The following CCDC57 variants were observed in gnomAD, a reference collection of about 807,000 sequenced individuals.
The protein encoded by CCDC57 is coiled-coil domain-containing protein 57.
A neutral mutation model predicts 118.9 loss-of-function variants in CCDC57; 118 were observed. The ratio of observed to expected loss-of-function variants is 0.99; its 90% CI spans 0.86 to 1.16. The LOEUF (loss-of-function observed/expected upper bound fraction) is 1.16. CCDC57 is among the 50% of genes most tolerant of loss of function. The pLI is 0.00. For synonymous variants in CCDC57, 527 were observed against 532.9 expected (o/e 0.99, Z 0.15); for missense variants, 1,300 against 1,320.7 (o/e 0.98, Z 0.24).
At chr17:82,126,679 G>A (rs1342822141) in intron 19 of CCDC57, 1 of 985,282 alleles carries the variant, frequency 1.0e-6, no homozygotes, top group Admixed American at 6.1e-5. Context: ...AGGCTGAGGC[G>A]ATGCTGTCCA....
At chr17:82,202,181 A>C (rs959042957) in intron 2 of CCDC57, among the ~76,000 whole-genome samples, 1 of 151,968 alleles carries the variant, frequency 6.6e-6, no homozygotes, top group Non-Finnish European at 1.5e-5. Context: ...AAATACAAAA[A>C]TTAGGCCGGG....
Position 82,207,367 on chromosome 17 carries a change from G to A in CCDC57, c.-9+480C>T, listed in dbSNP as rs150622072. On this transcript the variant is annotated intron_variant, in intron 2 of 19. Transcript: ENST00000665763. ...AAAAAAAAAACAAAAAAGAAATTAT[G>A]GTTTAGGAGTCATGCAGCTACAGGC... Among the ~76,000 whole-genome samples, 423 of 151,948 alleles carry A rather than the reference G, an allele frequency of 2.8e-3. 3 individuals are homozygous for A. Among genetic ancestry groups the A allele is most frequent in the African/African-American group, 9.8e-3 (406 of 41,450 alleles).
chr17:82,118,961 C>G lies in CCDC57; in HGVS notation c.2899+8731G>C, dbSNP rs1487523637. ...GGAATGCCTGGTAGTGTGTGGTCCC[C>G]GTGAGAGGAAGCGGAGATCAGAGTA... On this transcript the variant is annotated intron_variant, in intron 19 of 19. Transcript: ENST00000665763. The surrounding 1 kb of genome is among the most constrained non-coding windows in gnomAD (Gnocchi z 4.7). 6.6e-6 allele frequency among the ~76,000 whole-genome samples: 1 copy of G among 151,352 alleles called. No homozygotes were observed. The highest frequency in any genetic ancestry group is 2.4e-5 in the African/African-American group (1 of 41,074).
intron 19 of CCDC57, chr17:82,106,162 TGAGAG>T (rs2034830927): frequency 6.6e-6 from 1 of 152,392 alleles, no homozygotes; most frequent in African/African-American, 2.4e-5. Context: ...TCCCAGCCCT[TGAGAG>T]GAGTCACCTA....
chr17:82,178,505 C>T (rs1430479273), exon 11 of CCDC57: 14 of 1,613,698 alleles, frequency 8.7e-6, no homozygotes, highest in Non-Finnish European at 1.1e-5. Context: ...CCCATGCATC[C>T]TCAGGGCCTG....
intron 19 of CCDC57, among the ~76,000 whole-genome samples, chr17:82,123,673 T>C (rs1297812163): frequency 7.2e-5 from 11 of 152,088 alleles, no homozygotes; most frequent in Non-Finnish European, 1.5e-4. Flanking sequence ...GTAATTTAAT[T>C]CTCTGACCAG....
chr17:82,114,344 G>A lies in CCDC57; in HGVS notation c.2900-12478C>T, dbSNP rs147746594. On this transcript the variant is annotated intron_variant, in intron 19 of 19. Transcript: ENST00000665763. ...AGCATGGGGACTTCTGGCTGGGTGA[G>A]GGGGGAGGGACGGGGGCGTGAGGAT... Among the ~76,000 whole-genome samples the A allele has an allele frequency of 5.7e-3, 863 of 152,316 alleles. 33 individuals carry two copies. Among genetic ancestry groups the A allele is most frequent in the Admixed American group, 0.051 (786 of 15,298 alleles).
At chr17:82,145,797 AC>A (rs2040652129) in intron 16 of CCDC57, 3 of 466,320 alleles carry the variant, frequency 6.4e-6, no homozygotes, top group Non-Finnish European at 1.3e-5. Flanking sequence ...CTCGGCCGGA[AC>A]CCTGTAGCAG....
exon 20 of CCDC57, chr17:82,101,597 A>ACC: frequency 8.4e-7 from 1 of 1,186,074 alleles, no homozygotes; most frequent in Non-Finnish European, 1.2e-6. Flanking sequence ...CTGTGCCCAC[A>ACC]CCCCCCCACA....
chr17:82,144,056 A>AAAAACAAAAC (rs112574589), intron 16 of CCDC57, among the ~76,000 whole-genome samples: 87 of 150,606 alleles, frequency 5.8e-4, no homozygotes, highest in African/African-American at 1.9e-3. Context: ...ATTCCATCTC[A>AAAAACAAAAC]AAAACAAAAC....
intron 15 of CCDC57, chr17:82,153,514 C>G (rs1485172104): frequency 3.9e-5 from 6 of 152,182 alleles, no homozygotes; most frequent in Admixed American, 3.9e-4. Context: ...GGAAGGAGGG[C>G]ATGGATCACA....
At chr17:82,126,861 GCACAC>G (rs2037505517) in intron 19 of CCDC57, 1 of 985,226 alleles carries the variant, frequency 1.0e-6, no homozygotes, top group Non-Finnish European at 1.2e-6. Context: ...AATGAATGAG[GCACAC>G]CCTCATGACG....
At chr17:82,110,522 T>C (rs2035170235) in intron 19 of CCDC57, among the ~76,000 whole-genome samples, 1 of 152,178 alleles carries the variant, frequency 6.6e-6, no homozygotes, top group South Asian at 2.1e-4. Context: ...ACAGGAGGTC[T>C]AACCTTACAG....
At chr17:82,113,323 T>C in intron 19 of CCDC57, 1 of 694,094 alleles carries the variant, frequency 1.4e-6, no homozygotes, top group Non-Finnish European at 2.7e-6. Flanking sequence ...GACAAGGTGC[T>C]GTGGGGCTGT....
intron 7 of CCDC57, among the ~76,000 whole-genome samples, chr17:82,188,735 A>T (rs2047291365): frequency 6.6e-6 from 1 of 152,174 alleles, no homozygotes; most frequent in Non-Finnish European, 1.5e-5. Context: ...GCACGGTTTG[A>T]TCCGATCAAC....
chr17:82,102,256 C>T (rs754439866), intron 19 of CCDC57, among the ~76,000 whole-genome samples: 2 of 152,194 alleles, frequency 1.3e-5, no homozygotes, highest in Non-Finnish European at 2.9e-5. Flanking sequence ...GCTCCTCCCC[C>T]CAGGCTGCCC....
At chr17:82,130,158 A>T (rs1380973981) in intron 17 of CCDC57, among the ~76,000 whole-genome samples, 3 of 152,040 alleles carry the variant, frequency 2.0e-5, no homozygotes, top group African/African-American at 7.2e-5. Context: ...CTGTGATGTC[A>T]TCATGGCACT....
rs760297308 is a variant in CCDC57, at chr17:82,201,437, G to A, written c.407+101C>T. ...CCTGGAATCAGCAGCGGGAGGAGGGGCAGTGAGAGTGGGCAGTGCTCGGGC... is the reference window on the plus strand; with the variant it reads ...CCTGGAATCAGCAGCGGGAGGAGGGACAGTGAGAGTGGGCAGTGCTCGGGC... On this transcript the variant is annotated intron_variant, in intron 3 of 19. Coordinates refer to ENST00000665763, the Ensembl canonical transcript of CCDC57. 14 of 1,351,692 alleles carry A rather than the reference G, an allele frequency of 1.0e-5. No homozygotes were observed. In the South Asian group the frequency reaches 2.1e-4, roughly 20 times the overall value. 83.7% of individuals were successfully genotyped at this position (1,351,692 alleles called of 1,614,324 possible).
chr17:82,120,252 A>G, intron 19 of CCDC57, among the ~76,000 whole-genome samples: 1 of 151,846 alleles, frequency 6.6e-6, no homozygotes, highest in East Asian at 1.9e-4. Context: ...CAGCCTCCCA[A>G]AGTGCTGGGT....
Sources: allele counts gnomAD v4.1 joint callset (sites outside exome capture counted in the v4.1 genomes callset), GRCh38; gene constraint gnomAD v4.1.1; non-coding constraint Gnocchi (gnomAD v3.1); transcripts MANE v1.5; gene names NCBI Gene and HGNC (gene_info 2026-07-23, HGNC 2026-07-21).